VPS13B: variants seen among roughly 807,000 people sequenced by gnomAD.
VPS13B encodes intermembrane lipid transfer protein VPS13B.
Under a neutral mutation model 426.4 loss-of-function variants are expected in VPS13B, and 285 were observed. The ratio of observed to expected loss-of-function variants is 0.67; its 90% CI spans 0.61 to 0.74. The LOEUF is 0.74. VPS13B is among the 30% of genes least tolerant of loss of function. The pLI is 0.00. For missense variants in VPS13B, 4,537 were observed against 4,782.6 expected, an observed-to-expected ratio of 0.95 and a Z score of 1.51; for synonymous variants, 1,676 against 1,676.4, an observed-to-expected ratio of 1.00 and a Z score of 0.01.
chr8:99,225,338 G>A (rs1354796970), intron 17 of VPS13B, among the ~76,000 whole-genome samples: 2 of 151,636 alleles, frequency 1.3e-5, no homozygotes, highest in East Asian at 3.9e-4. Flanking sequence ...GGAGTGCAGT[G>A]GCGCGATCTC....
chr8:99,027,657 A>G (rs897396388), intron 2 of VPS13B, among the ~76,000 whole-genome samples: 5 of 151,576 alleles, frequency 3.3e-5, no homozygotes, highest in Non-Finnish European at 7.4e-5. Flanking sequence ...TTCTTTCATC[A>G]TTTTGAATAT....
chr8:99,555,732 T>C (rs1198991194), intron 30 of VPS13B, among the ~76,000 whole-genome samples: 1 of 152,146 alleles, frequency 6.6e-6, no homozygotes, highest in East Asian at 1.9e-4. Flanking sequence ...ATTTACTTCC[T>C]TTAATTTAAC....
intron 30 of VPS13B, among the ~76,000 whole-genome samples, chr8:99,533,662 A>G (rs1487678538): frequency 6.6e-6 from 1 of 152,214 alleles, no homozygotes; most frequent in Non-Finnish European, 1.5e-5. Context: ...AACATCATTA[A>G]CAATTATGTT....
At chr8:99,688,683 T>C (rs947900407) in intron 35 of VPS13B, among the ~76,000 whole-genome samples, 2 of 152,060 alleles carry the variant, frequency 1.3e-5, no homozygotes, top group Non-Finnish European at 2.9e-5. Context: ...TCATTAAACA[T>C]TGTGGGGCCA....
chr8:99,222,485 T>C (rs897415242), intron 17 of VPS13B, among the ~76,000 whole-genome samples: 9 of 152,342 alleles, frequency 5.9e-5, no homozygotes, highest in Non-Finnish European at 1.2e-4. Flanking sequence ...ATTATAGTAA[T>C]AGCAGTGATC....
At chr8:99,389,009 C>T (rs1041584179) in intron 20 of VPS13B, among the ~76,000 whole-genome samples, 9 of 152,050 alleles carry the variant, frequency 5.9e-5, no homozygotes, top group East Asian at 1.9e-4. Flanking sequence ...GTTAGCTGGG[C>T]GCAGTGGCAG....
chr8:99,065,197 C>T (rs978383495), intron 3 of VPS13B, among the ~76,000 whole-genome samples: 2 of 151,282 alleles, frequency 1.3e-5, no homozygotes, highest in African/African-American at 2.4e-5. Flanking sequence ...GAAACTGTAT[C>T]AACACAACAA....
chr8:99,323,668 G>C (rs903921099), intron 19 of VPS13B, among the ~76,000 whole-genome samples: 1 of 152,098 alleles, frequency 6.6e-6, no homozygotes, highest in Non-Finnish European at 1.5e-5. Context: ...ACTTAGATAG[G>C]CTATTATCTA....
chr8:99,690,703 G>T (rs561661472), intron 35 of VPS13B, among the ~76,000 whole-genome samples: 1 of 151,988 alleles, frequency 6.6e-6, no homozygotes, highest in South Asian at 2.1e-4. Context: ...AATGAGCAAA[G>T]GGTTTGAATA....
At chr8:99,700,804 T>A (rs1192433091) in intron 36 of VPS13B, among the ~76,000 whole-genome samples, 5 of 152,140 alleles carry the variant, frequency 3.3e-5, no homozygotes, top group African/African-American at 9.7e-5. Context: ...CAGTTTTCAA[T>A]CACAGAAACT....
chr8:99,056,901 A>G (rs567955821), intron 3 of VPS13B, among the ~76,000 whole-genome samples: 1 of 152,264 alleles, frequency 6.6e-6, no homozygotes, highest in Middle Eastern at 3.4e-3. Context: ...TTCTTTCATC[A>G]GCATTTTCTT....
At chr8:99,391,843 T>A in intron 21 of VPS13B, 139 bp downstream of exon 21, 6 of 1,176,258 alleles carry the variant, frequency 5.1e-6, no homozygotes, top group South Asian at 1.3e-5. Flanking sequence ...ATCCACAACA[T>A]TAGCAATAAT....
intron 21 of VPS13B, among the ~76,000 whole-genome samples, chr8:99,411,366 A>G (rs1815654078): frequency 6.6e-6 from 1 of 152,172 alleles, no homozygotes. Context: ...TCTTCTTTTG[A>G]GAAGTGTCTG....
rs557683270 is a variant in VPS13B, at chr8:99,621,958, C to T, written c.5221-19853C>T. The stretch of plus-strand genomic sequence containing the variant: ...AAGCGATTCTCCTGTCTCACGCTCC[C>T]GAGTAGCTGGGACTACAGGCACTCA... On this transcript the variant is annotated intron_variant, in intron 33 of 61. Transcript: ENST00000357162. Among the ~76,000 whole-genome samples, 7 of 151,582 alleles carry T rather than the reference C, an allele frequency of 4.6e-5. No individual in the cohort carries two copies. In the South Asian group the frequency reaches 1.0e-3, roughly 23 times the overall value.
Position 99,442,640 on chromosome 8 carries a change from A to G in VPS13B, c.3445+5A>G. 6.2e-7 allele frequency: 1 copy of G among 1,612,912 alleles called. No homozygotes were observed. The highest frequency in any genetic ancestry group is 8.5e-7 in the Non-Finnish European group (1 of 1,179,194). On this transcript the variant is annotated splice_donor_5th_base_variant and intron_variant, in intron 23 of 61. Coordinates refer to ENST00000357162, the MANE Select transcript of VPS13B (RefSeq NM_152564.5). Reference sequence around the variant, plus strand: ...CACGACCCATCCTTGAAGAAGGTATATGTTAACATTTTTTTCCTATGGTTA... The same window carrying G: ...CACGACCCATCCTTGAAGAAGGTATGTGTTAACATTTTTTTCCTATGGTTA...
At chr8:99,444,627 G>A (rs1016730262) in intron 23 of VPS13B, among the ~76,000 whole-genome samples, 2 of 151,732 alleles carry the variant, frequency 1.3e-5, no homozygotes, top group Non-Finnish European at 1.5e-5. Flanking sequence ...ACTTATTTTC[G>A]TGCTGGTTGG....
chr8:99,852,905 A>G (rs1816366334), intron 55 of VPS13B, among the ~76,000 whole-genome samples: 1 of 152,054 alleles, frequency 6.6e-6, no homozygotes, highest in African/African-American at 2.4e-5. Context: ...TGCTGGAGGG[A>G]TGTCTTTGAG....
chr8:99,732,336 A>G (rs938250796), intron 39 of VPS13B, among the ~76,000 whole-genome samples: 1 of 152,100 alleles, frequency 6.6e-6, no homozygotes, highest in Admixed American at 6.6e-5. Context: ...ATGGTCCAAG[A>G]TGGCTGTAGA....
chr8:99,429,308 T>G (rs1357773102), intron 21 of VPS13B, among the ~76,000 whole-genome samples: 1 of 150,836 alleles, frequency 6.6e-6, no homozygotes, highest in Non-Finnish European at 1.5e-5. Flanking sequence ...AGAAAAAGTA[T>G]GTCTGATTGT....
Sources: gnomAD v4.1 joint callset for allele counts (sites outside exome capture counted in the v4.1 genomes callset) on GRCh38, gnomAD v4.1.1 for gene constraint, MANE v1.5 for transcripts, NCBI Gene and HGNC (gene_info 2026-07-23, HGNC 2026-07-21) for gene names.